NUP62CL: variants seen among roughly 807,000 people sequenced by gnomAD.
NUP62CL encodes the protein nucleoporin-62 C-terminal-like protein.
NUP62CL carries 13 observed loss-of-function variants against 15.3 expected under a neutral mutation model. That is an observed-to-expected ratio of 0.85 (90% CI 0.55 to 1.35). The LOEUF (loss-of-function observed/expected upper bound fraction) is 1.35. Among genes scored for constraint, NUP62CL ranks in the 40% most tolerant of loss-of-function variants. The pLI, the probability that NUP62CL is intolerant of heterozygous loss-of-function variation, is 0.00. For missense variants in NUP62CL, 123 were observed against 130.6 expected (o/e 0.94, Z 0.28); for synonymous variants, 54 against 49.2 (o/e 1.10, Z -0.41).
intron 8 of NUP62CL, chrX:107,131,711 T>C (rs1233604299): frequency 7.9e-6 from 6 of 756,101 alleles, no homozygotes; most frequent in Non-Finnish European, 1.2e-5. Flanking sequence ...TCTAGTGGAA[T>C]TATCAGGAAT....
chrX:107,124,038 C>G lies in NUP62CL; in HGVS notation c.*337G>C, dbSNP rs1273720765. 4.5e-6 allele frequency: 1 copy of G among 221,053 alleles called. No homozygotes were observed. The highest frequency in any genetic ancestry group is 8.1e-6 in the Non-Finnish European group (1 of 123,587). 18.2% of individuals were successfully genotyped at this position (221,053 alleles called of 1,213,427 possible). A position where few individuals can be genotyped will look rare whatever the true frequency, so the allele number is the denominator to read the frequency against. On this transcript the variant is annotated 3_prime_UTR_variant, in exon 9 of 9. Coordinates refer to ENST00000372466, the MANE Select transcript of NUP62CL (RefSeq NM_017681.3). ...AGCATCTAAGAGGTTGCTGTCTGGA[C>G]AAAGGGGCTAGTATAATTTTGATTT...
In NUP62CL at chrX:107,124,045, G is replaced by A. The variant is rs1925328708; in HGVS notation, c.*330C>T. On this transcript the variant is annotated 3_prime_UTR_variant, in exon 9 of 9. Coordinates refer to ENST00000372466, the MANE Select transcript of NUP62CL (RefSeq NM_017681.3). ...AAGAGGTTGCTGTCTGGACAAAGGG[G>A]CTAGTATAATTTTGATTTTCTAATA... 8.9e-6 allele frequency: 2 copies of A among 223,616 alleles called. No homozygotes were observed. Among genetic ancestry groups the A allele is most frequent in the Non-Finnish European group, 1.6e-5 (2 of 124,891 alleles). The allele number at this position is 223,616 out of a possible 1,213,427, so 18.4% of individuals were successfully genotyped here.
intron 8 of NUP62CL, among the ~76,000 whole-genome samples, chrX:107,124,645 G>A (rs1312680175): frequency 9.0e-6 from 1 of 110,710 alleles, no homozygotes; most frequent in Non-Finnish European, 1.9e-5. Flanking sequence ...TGACATACAG[G>A]GTAGTCATTA....
chrX:107,192,915 A>C (rs1355780387), intron 2 of NUP62CL, 114 bp downstream of exon 2: 1 of 111,908 alleles, frequency 8.9e-6, no homozygotes, highest in Non-Finnish European at 1.9e-5. Flanking sequence ...ATGCACTTGC[A>C]ACTGGTTGGG....
At chrX:107,200,471 T>C (rs1283208787) in intron 1 of NUP62CL, among the ~76,000 whole-genome samples, 1 of 108,996 alleles carries the variant, frequency 9.2e-6, no homozygotes, top group African/African-American at 3.3e-5. Flanking sequence ...ATACAAAAAT[T>C]AGTCAGGCGT....
intron 1 of NUP62CL, among the ~76,000 whole-genome samples, chrX:107,198,617 G>A (rs1009910380): frequency 4.5e-5 from 5 of 110,848 alleles, no homozygotes; most frequent in African/African-American, 6.6e-5. Flanking sequence ...AACACTCACC[G>A]CGGAGGTTCA....
intron 8 of NUP62CL, among the ~76,000 whole-genome samples, chrX:107,143,206 TA>T (rs1357266742): frequency 8.9e-6 from 1 of 111,795 alleles, no homozygotes; most frequent in Non-Finnish European, 1.9e-5. Context: ...TTAACATATT[TA>T]AAGTGTAATG....
At chrX:107,162,817 C>T (rs1056045221) in intron 4 of NUP62CL, among the ~76,000 whole-genome samples, 3 of 111,651 alleles carry the variant, frequency 2.7e-5, no homozygotes, top group African/African-American at 9.8e-5. Flanking sequence ...CCACAGATGG[C>T]GGGAGGGGCC....
At chrX:107,130,216 C>G (rs1043376084) in intron 8 of NUP62CL, among the ~76,000 whole-genome samples, 3 of 111,357 alleles carry the variant, frequency 2.7e-5, no homozygotes, top group Non-Finnish European at 5.7e-5. Flanking sequence ...CAGATCCACA[C>G]CAAAACGCAT....
chrX:107,140,755 T>C (rs1925748163), intron 8 of NUP62CL, among the ~76,000 whole-genome samples: 1 of 112,077 alleles, frequency 8.9e-6, no homozygotes, highest in African/African-American at 3.2e-5. Flanking sequence ...GCAAATACTA[T>C]TTGTTGTCCC....
chrX:107,164,393 A>C (rs888986055), intron 4 of NUP62CL, among the ~76,000 whole-genome samples: 1 of 111,303 alleles, frequency 9.0e-6, no homozygotes, highest in Non-Finnish European at 1.9e-5. Context: ...ACGTTAAAAA[A>C]TAGGAAAAAT....
intron 2 of NUP62CL, among the ~76,000 whole-genome samples, chrX:107,184,698 C>T (rs952260896): frequency 5.4e-5 from 6 of 111,036 alleles, no homozygotes; most frequent in African/African-American, 2.0e-4. Context: ...TGAAAATGTT[C>T]CAAATTTATG....
intron 8 of NUP62CL, among the ~76,000 whole-genome samples, chrX:107,135,267 T>C: frequency 9.0e-6 from 1 of 111,570 alleles, no homozygotes; most frequent in Non-Finnish European, 1.9e-5. Flanking sequence ...GAATAAGAAG[T>C]GCTGAGTGAT....
In NUP62CL at chrX:107,131,720, A is replaced by G. The variant is rs760369764; in HGVS notation, c.*43-7388T>C. On this transcript the variant is annotated intron_variant, in intron 8 of 8. Transcript: ENST00000372466. ...GTTGGTTCTAGTGGAATTATCAGGA[A>G]TTATTGATTCAGACTTTCTCTCAAA... is the stretch of plus-strand genomic sequence containing the variant. 87 of 792,907 alleles carry G rather than the reference A, an allele frequency of 1.1e-4. 1 individual carries two copies. The highest frequency in any genetic ancestry group is 1.0e-4 in the Non-Finnish European group (54 of 517,656). 65.3% of individuals were successfully genotyped at this position (792,907 alleles called of 1,213,427 possible).
chrX:107,143,385 T>G (rs1925817644), intron 8 of NUP62CL, among the ~76,000 whole-genome samples: 1 of 109,736 alleles, frequency 9.1e-6, no homozygotes, highest in Non-Finnish European at 1.9e-5. Context: ...TACACCCAGC[T>G]ATTTTTTTTT....
At chrX:107,157,578 T>A (rs1383603327) in intron 4 of NUP62CL, among the ~76,000 whole-genome samples, 8 of 108,150 alleles carry the variant, frequency 7.4e-5, no homozygotes, top group Non-Finnish European at 1.2e-4. Flanking sequence ...AAGCAAGTGC[T>A]GAGAGATTTT....
intron 2 of NUP62CL, among the ~76,000 whole-genome samples, chrX:107,189,679 C>T (rs773484592): frequency 5.6e-5 from 6 of 106,561 alleles, no homozygotes; most frequent in Non-Finnish European, 1.2e-4. Context: ...CCCAGCTACT[C>T]AGGAGGCTGA....
chrX:107,185,335 T>C (rs1927035338), intron 2 of NUP62CL, among the ~76,000 whole-genome samples: 1 of 111,568 alleles, frequency 9.0e-6, no homozygotes, highest in Non-Finnish European at 1.9e-5. Context: ...ATAATAGGCT[T>C]TCCTTCTTAC....
intron 1 of NUP62CL, among the ~76,000 whole-genome samples, 184 bp from the exon 2 acceptor site, chrX:107,193,256 A>G (rs1168989735): frequency 8.9e-6 from 1 of 112,443 alleles, no homozygotes; most frequent in Non-Finnish European, 1.9e-5. Context: ...TCCAGAAAGA[A>G]GGACAATTTT....
Sources: allele counts gnomAD v4.1 joint callset (sites outside exome capture counted in the v4.1 genomes callset), GRCh38; gene constraint gnomAD v4.1.1; transcripts MANE v1.5; gene names NCBI Gene and HGNC (gene_info 2026-07-23, HGNC 2026-07-21).